Variants in DGLUCY observed in about 807,000 individuals in gnomAD.
DGLUCY encodes D-glutamate cyclase, also known as D-glutamate cyclase, mitochondrial.
A neutral mutation model predicts 58.5 loss-of-function variants in DGLUCY; 58 were observed. The ratio of observed to expected loss-of-function variants is 0.99; its 90% CI spans 0.80 to 1.23. The LOEUF (loss-of-function observed/expected upper bound fraction) is 1.23. Ranked by LOEUF, DGLUCY falls within the 50% of genes most tolerant of loss-of-function variation. DGLUCY has a pLI of 0.00. For synonymous variants in DGLUCY, 325 were observed against 314.1 expected (o/e 1.03, Z -0.37); for missense variants, 779 against 784.7 (o/e 0.99, Z 0.09).
At chr14:91,128,648 C>G (rs908672040) in intron 1 of DGLUCY, 1 of 151,970 alleles carries the variant, frequency 6.6e-6, no homozygotes, top group African/African-American at 2.4e-5. Context: ...TCCCCTGTTA[C>G]TCTCCAGCCC....
intron 13 of DGLUCY, among the ~76,000 whole-genome samples, chr14:91,222,792 C>T (rs761638831): frequency 5.3e-5 from 8 of 152,164 alleles, no homozygotes; most frequent in Non-Finnish European, 1.0e-4. Flanking sequence ...TAAAAAACAA[C>T]TATAGACTAG....
At chr14:91,170,289 C>A in intron 5 of DGLUCY, 88 bp downstream of exon 5, 2 of 1,399,544 alleles carry the variant, frequency 1.4e-6, no homozygotes, top group Non-Finnish European at 1.9e-6. Context: ...AGAACATGGG[C>A]ACGGGAGGTG....
chr14:91,184,550 TGAAAGAAAGAAA>T (rs367861135), intron 8 of DGLUCY, among the ~76,000 whole-genome samples: 2 of 95,630 alleles, frequency 2.1e-5, no homozygotes, highest in African/African-American at 9.3e-5. Context: ...CAATACCCTG[TGAAAGAAAGAAA>T]GAAAGAAAGA....
At chr14:91,172,694 C>T (rs928500472) in intron 5 of DGLUCY, among the ~76,000 whole-genome samples, 4 of 151,406 alleles carry the variant, frequency 2.6e-5, no homozygotes, top group African/African-American at 4.9e-5. Flanking sequence ...TCACCCAGGC[C>T]GGAGTGCAAT....
chr14:91,152,138 A>T (rs947279670), intron 1 of DGLUCY, among the ~76,000 whole-genome samples: 11 of 152,174 alleles, frequency 7.2e-5, no homozygotes, highest in Non-Finnish European at 1.5e-4. Flanking sequence ...TGTAATCCCA[A>T]CACTTTGGGA....
At chr14:91,164,530 G>A (rs901090559) in intron 3 of DGLUCY, among the ~76,000 whole-genome samples, 17 of 152,164 alleles carry the variant, frequency 1.1e-4, no homozygotes, top group Admixed American at 9.2e-4. Context: ...GATCTAAGCT[G>A]TTTCTGCTTT....
intron 3 of DGLUCY, among the ~76,000 whole-genome samples, chr14:91,164,463 T>C (rs2048166077): frequency 6.6e-6 from 1 of 152,288 alleles, no homozygotes; most frequent in East Asian, 1.9e-4. Flanking sequence ...CTGGGCTTAT[T>C]TGTAGTCCTC....
intron 1 of DGLUCY, among the ~76,000 whole-genome samples, chr14:91,137,299 G>A (rs1187842138): frequency 6.6e-6 from 1 of 152,004 alleles, no homozygotes; most frequent in Non-Finnish European, 1.5e-5. Context: ...TGGTCTCTCT[G>A]TGTCTCGTTC....
intron 1 of DGLUCY, among the ~76,000 whole-genome samples, chr14:91,156,068 G>A (rs2047602597): frequency 1.3e-5 from 2 of 151,762 alleles, no homozygotes; most frequent in Non-Finnish European, 2.9e-5. Context: ...TGTTAATTTT[G>A]CATCATTGGG....
intron 10 of DGLUCY, among the ~76,000 whole-genome samples, chr14:91,198,021 G>C (rs1224830200): frequency 6.6e-6 from 1 of 152,138 alleles, no homozygotes; most frequent in Non-Finnish European, 1.5e-5. Context: ...TGGAAGGATT[G>C]AGAGAGATGT....
intron 12 of DGLUCY, among the ~76,000 whole-genome samples, chr14:91,210,112 C>A (rs1885434794): frequency 6.7e-6 from 1 of 149,976 alleles, no homozygotes; most frequent in African/African-American, 2.5e-5. Flanking sequence ...GAAACCCCAT[C>A]TCTACAAAAA....
chr14:91,118,110 T>A (rs1354831991), intron 1 of DGLUCY, among the ~76,000 whole-genome samples: 14 of 114,450 alleles, frequency 1.2e-4, no homozygotes, highest in Non-Finnish European at 1.6e-4. Flanking sequence ...AGACGGAGTC[T>A]CACTCTGTTG....
chr14:91,102,743 A>ATGTGTGTG (rs548653144), intron 1 of DGLUCY, among the ~76,000 whole-genome samples: 33,103 of 130,022 alleles, frequency 0.25, 5,319 homozygotes, highest in East Asian at 0.34. Context: ...TCCAGTGTGT[A>ATGTGTGTG]TGTGTGTGTG....
At chr14:91,173,142 T>A in intron 5 of DGLUCY, 147 bp from the exon 6 acceptor site, 1 of 891,232 alleles carries the variant, frequency 1.1e-6, no homozygotes, top group Non-Finnish European at 1.7e-6. Context: ...ACTCCCTCTC[T>A]CTATGTCACA....
chr14:91,074,118 T>TACACACACACACACACACACACAC (rs3086753), intron 1 of DGLUCY, among the ~76,000 whole-genome samples: 16 of 70,336 alleles, frequency 2.3e-4, no homozygotes, highest in Non-Finnish European at 3.3e-4. Flanking sequence ...TATATATATA[T>TACACACACACACACACACACACAC]ACACACACAC....
intron 4 of DGLUCY, chr14:91,167,706 A>G: frequency 1.4e-6 from 1 of 700,518 alleles, no homozygotes; most frequent in Non-Finnish European, 2.6e-6. Context: ...AAAATAAAAA[A>G]CACTTGCATT....
chr14:91,120,248 C>T (rs2045266685), intron 1 of DGLUCY, among the ~76,000 whole-genome samples: 1 of 152,110 alleles, frequency 6.6e-6, no homozygotes, highest in Admixed American at 6.6e-5. Flanking sequence ...TGCTGAATGT[C>T]CACCCTGTCA....
At chr14:91,169,839 G>A (rs2048473018) in intron 4 of DGLUCY, among the ~76,000 whole-genome samples, 164 bp from the exon 5 acceptor site, 1 of 152,142 alleles carries the variant, frequency 6.6e-6, no homozygotes, top group Non-Finnish European at 1.5e-5. Flanking sequence ...TTTGAAGGAT[G>A]CCAGCAAGGC....
At chr14:91,151,328 C>T (rs2043681176) in intron 1 of DGLUCY, among the ~76,000 whole-genome samples, 1 of 152,074 alleles carries the variant, frequency 6.6e-6, no homozygotes, top group African/African-American at 2.4e-5. Flanking sequence ...CAAGCTCTGC[C>T]TCCGGGGTTC....
Sources: gnomAD v4.1 joint callset for allele counts (sites outside exome capture counted in the v4.1 genomes callset) on GRCh38, gnomAD v4.1.1 for gene constraint, MANE v1.5 for transcripts, NCBI Gene and HGNC (gene_info 2026-07-23, HGNC 2026-07-21) for gene names.